Variants in TAFA2 observed in about 807,000 individuals in gnomAD.
TAFA2 encodes chemokine-like protein TAFA-2.
A neutral mutation model predicts 18.8 loss-of-function variants in TAFA2; 7 were observed. The ratio of observed to expected loss-of-function variants is 0.37; its 90% confidence interval spans 0.21 to 0.70. The LOEUF (loss-of-function observed/expected upper bound fraction) is 0.70. TAFA2 is among the 30% of genes least tolerant of loss of function. The probability of loss-of-function intolerance (pLI) is 0.53; values close to 1 mark genes in which losing one functional copy is unlikely to be tolerated. For missense variants in TAFA2, 122 were observed against 158.1 expected, an observed-to-expected ratio of 0.77 and a Z score of 1.23; for synonymous variants, 60 against 54.2, an observed-to-expected ratio of 1.11 and a Z score of -0.47.
chr12:61,919,700 T>C (rs934075187), intron 1 of TAFA2, among the ~76,000 whole-genome samples: 3 of 151,506 alleles, frequency 2.0e-5, no homozygotes, highest in African/African-American at 2.4e-5. Flanking sequence ...TTTATACTTA[T>C]GTTTTATTTC....
intron 1 of TAFA2, among the ~76,000 whole-genome samples, chr12:61,934,224 A>G (rs73310273): frequency 0.074 from 11,187 of 152,198 alleles, 1,336 homozygotes; most frequent in African/African-American, 0.25. Context: ...CTGTTCTCCA[A>G]AACTTCCCTA....
intron 1 of TAFA2, among the ~76,000 whole-genome samples, chr12:62,179,541 C>T (rs536835528): frequency 6.6e-6 from 1 of 152,220 alleles, no homozygotes; most frequent in East Asian, 1.9e-4. Flanking sequence ...TAATAAACAA[C>T]CTTGACAGAA....
rs1417705322 is a variant in TAFA2, at chr12:61,709,443, T to TA, written c.*962dup. On this transcript the variant is annotated 3_prime_UTR_variant, in exon 5 of 5. Coordinates refer to ENST00000416284, the MANE Select transcript of TAFA2 (RefSeq NM_178539.5). ...TTTAAAATGAGATAGGACAGTTTTT[T>TA]AAAAAATACTGGAAGAAATCTAAGT... The TA allele has an allele frequency of 6.6e-6, 1 of 152,094 alleles. No individual in the cohort carries two copies. Among genetic ancestry groups the TA allele is most frequent in the Non-Finnish European group, 1.5e-5 (1 of 67,984 alleles). 9.4% of individuals were successfully genotyped at this position (152,094 alleles called of 1,614,324 possible).
chr12:61,894,334 A>G (rs1227780784), intron 1 of TAFA2, among the ~76,000 whole-genome samples: 3 of 152,218 alleles, frequency 2.0e-5, no homozygotes, highest in Admixed American at 1.3e-4. Flanking sequence ...GCCAAACTCC[A>G]GAGAAACAAA....
intron 1 of TAFA2, among the ~76,000 whole-genome samples, chr12:61,890,142 C>A (rs1476876180): frequency 6.6e-6 from 1 of 152,266 alleles, no homozygotes; most frequent in African/African-American, 2.4e-5. Flanking sequence ...GCAGCCTTTG[C>A]TGCCTTTGCT....
intron 1 of TAFA2, among the ~76,000 whole-genome samples, chr12:61,963,867 G>A (rs1013973138): frequency 6.6e-6 from 1 of 151,930 alleles, no homozygotes; most frequent in African/African-American, 2.4e-5. Context: ...CATGGTACTG[G>A]TACCAAAACA....
At chr12:62,102,498 G>A (rs543890001) in intron 1 of TAFA2, among the ~76,000 whole-genome samples, 5 of 152,134 alleles carry the variant, frequency 3.3e-5, no homozygotes, top group Admixed American at 6.6e-5. Context: ...CTAGGGTAAC[G>A]TGTTCCACAT....
At chr12:61,723,200 A>C (rs1869987224) in intron 4 of TAFA2, among the ~76,000 whole-genome samples, 1 of 152,150 alleles carries the variant, frequency 6.6e-6, no homozygotes, top group South Asian at 2.1e-4. Flanking sequence ...TTCTATTATA[A>C]AACATATTTC....
chr12:61,908,745 G>C (rs1273809201), intron 1 of TAFA2, among the ~76,000 whole-genome samples: 1 of 152,124 alleles, frequency 6.6e-6, no homozygotes, highest in Non-Finnish European at 1.5e-5. Context: ...AACCTATTCG[G>C]AGTAAATTTA....
In TAFA2 at chr12:61,868,825, A is replaced by C. The variant is rs537149607; in HGVS notation, c.-1-1399T>G. Among the ~76,000 whole-genome samples the C allele has an allele frequency of 9.3e-4, 142 of 152,322 alleles. 2 individuals carry two copies. The highest frequency in any genetic ancestry group is 3.4e-3 in the African/African-American group (142 of 41,582). ...GAATAAAAACATGAACTTCTAAGTC[A>C]GAATGCCGGGGTTTGAGTCCAAACT... On this transcript the variant is annotated intron_variant, in intron 1 of 4. Coordinates refer to ENST00000416284, the MANE Select transcript of TAFA2 (RefSeq NM_178539.5).
At chr12:62,121,874 C>T (rs547222265) in intron 1 of TAFA2, among the ~76,000 whole-genome samples, 10 of 152,298 alleles carry the variant, frequency 6.6e-5, no homozygotes, top group African/African-American at 1.4e-4. Context: ...CCATTGAATT[C>T]CCAGGTGAAC....
chr12:61,817,510 A>G (rs1205761903), intron 2 of TAFA2, among the ~76,000 whole-genome samples: 2 of 152,178 alleles, frequency 1.3e-5, no homozygotes, highest in African/African-American at 2.4e-5. Context: ...TTACACATAC[A>G]TGATCAATTC....
At chr12:62,083,980 C>T (rs1306482814) in intron 1 of TAFA2, among the ~76,000 whole-genome samples, 3 of 151,956 alleles carry the variant, frequency 2.0e-5, no homozygotes, top group Admixed American at 6.6e-5. Flanking sequence ...AAGACACATA[C>T]AAGAAAAGAT....
intron 1 of TAFA2, among the ~76,000 whole-genome samples, chr12:62,040,826 G>A (rs1055071980): frequency 6.6e-6 from 1 of 152,056 alleles, no homozygotes; most frequent in African/African-American, 2.4e-5. Flanking sequence ...GACTGAAGAG[G>A]TCAAACTGAA....
intron 1 of TAFA2, among the ~76,000 whole-genome samples, chr12:62,030,352 GC>G (rs1881424473): frequency 6.6e-6 from 1 of 152,072 alleles, no homozygotes; most frequent in Non-Finnish European, 1.5e-5. Context: ...TATTTAAATG[GC>G]CCCGAATTGA....
rs563192349 is a variant in TAFA2 at position 61,779,661 on chromosome 12, G to T, written c.107-24637C>A. On this transcript the variant is annotated intron_variant, in intron 2 of 4. Transcript: ENST00000416284. ...CCTAGTGGGGATAAATCATAGAAAAGACTAAAATCAATTGGTAGGGAGGAG... is the reference window on the plus strand; with the variant it reads ...CCTAGTGGGGATAAATCATAGAAAATACTAAAATCAATTGGTAGGGAGGAG... 2.0e-5 allele frequency among the ~76,000 whole-genome samples: 3 copies of T among 151,912 alleles called. No homozygotes were observed. In the South Asian group the frequency reaches 6.2e-4, roughly 31 times the overall value.
At chr12:61,946,237 G>A (rs1592505729) in intron 1 of TAFA2, among the ~76,000 whole-genome samples, 1 of 150,706 alleles carries the variant, frequency 6.6e-6, no homozygotes, top group African/African-American at 2.4e-5. Context: ...ATGGTGCTGG[G>A]AAAACTGGCT....
chr12:61,765,185 C>T (rs1417927491), intron 2 of TAFA2, among the ~76,000 whole-genome samples: 1 of 152,008 alleles, frequency 6.6e-6, no homozygotes, highest in East Asian at 1.9e-4. Flanking sequence ...TTATAAAAAC[C>T]TCCCACTCCA....
chr12:61,721,010 A>C, intron 4 of TAFA2: 1 of 488,170 alleles, frequency 2.0e-6, no homozygotes, highest in African/African-American at 1.9e-5. Flanking sequence ...CATTACAACA[A>C]GCATAAAGGG....
Sources: allele counts gnomAD v4.1 joint callset (sites outside exome capture counted in the v4.1 genomes callset), GRCh38; gene constraint gnomAD v4.1.1; transcripts MANE v1.5; gene names NCBI Gene and HGNC (gene_info 2026-07-23, HGNC 2026-07-21).